Variants in ST3GAL1 observed in about 807,000 individuals in gnomAD.
ST3GAL1 encodes ST3 beta-galactoside alpha-2,3-sialyltransferase 1.
Under a neutral mutation model 34.1 loss-of-function variants are expected in ST3GAL1, and 16 were observed. The observed-to-expected ratio is 0.47, with a 90% CI of 0.32 to 0.71. ST3GAL1 has a LOEUF of 0.71. ST3GAL1 is among the 30% of genes least tolerant of loss of function. The probability of loss-of-function intolerance (pLI) is 0.04; values close to 1 mark genes in which losing one functional copy is unlikely to be tolerated. For missense variants in ST3GAL1, 353 were observed against 447.4 expected, an observed-to-expected ratio of 0.79 and a Z score of 1.90; for synonymous variants, 191 against 184.7, an observed-to-expected ratio of 1.03 and a Z score of -0.28.
At chr8:133,500,978 C>T (rs1817132060) in intron 2 of ST3GAL1, among the ~76,000 whole-genome samples, 1 of 152,202 alleles carries the variant, frequency 6.6e-6, no homozygotes, top group Non-Finnish European at 1.5e-5. Flanking sequence ...CTGGTGCTCT[C>T]CTTCCTAACA....
chr8:133,509,212 G>A (rs538949817), intron 2 of ST3GAL1, among the ~76,000 whole-genome samples: 1 of 152,350 alleles, frequency 6.6e-6, no homozygotes, highest in East Asian at 1.9e-4. Flanking sequence ...TTAAAGCACA[G>A]TTCCTCAGTG....
At chr8:133,521,155 A>T (rs1172417532) in intron 2 of ST3GAL1, among the ~76,000 whole-genome samples, 93 of 19,912 alleles carry the variant, frequency 4.7e-3, no homozygotes, top group African/African-American at 5.4e-3. Context: ...TTTTTTTTTG[A>T]GACAGTCTTG....
intron 5 of ST3GAL1, among the ~76,000 whole-genome samples, chr8:133,470,708 G>A (rs972810094): frequency 6.6e-6 from 1 of 152,186 alleles, no homozygotes; most frequent in Non-Finnish European, 1.5e-5. Flanking sequence ...GCAGGAGAAG[G>A]AAGGGGAGGT....
chr8:133,462,063 T>C (rs1027449707), intron 8 of ST3GAL1, 69 bp from the exon 9 acceptor site: 4 of 1,604,046 alleles, frequency 2.5e-6, no homozygotes, highest in Non-Finnish European at 3.4e-6. Flanking sequence ...GCCTGTCAGA[T>C]GTACATACTG....
At chr8:133,567,801 C>T (rs1434145220) in intron 1 of ST3GAL1, among the ~76,000 whole-genome samples, 1 of 152,140 alleles carries the variant, frequency 6.6e-6, no homozygotes, top group Non-Finnish European at 1.5e-5. Context: ...GTCTGTGATA[C>T]CGGGAGGGTT....
chr8:133,469,824 C>G lies in ST3GAL1; in HGVS notation c.307-3734G>C, dbSNP rs1361879957. On this transcript the variant is annotated intron_variant, in intron 5 of 9. Coordinates refer to ENST00000522652, the MANE Select transcript of ST3GAL1 (RefSeq NM_173344.3). The surrounding 1 kb of genome is among the most constrained non-coding windows in gnomAD (Gnocchi z 4.3). ...TCCGGGCTCTGTGATGCGACTTTCT[C>G]TAGTGCCCTGCCTCACCTAACATCA... 6.6e-6 allele frequency among the ~76,000 whole-genome samples: 1 copy of G among 152,234 alleles called. No homozygotes were observed. Among genetic ancestry groups the G allele is most frequent in the Non-Finnish European group, 1.5e-5 (1 of 68,044 alleles).
chr8:133,505,625 G>A (rs1273485504), intron 2 of ST3GAL1, among the ~76,000 whole-genome samples: 6 of 148,974 alleles, frequency 4.0e-5, no homozygotes, highest in Admixed American at 6.7e-5. Flanking sequence ...TTTTTGAGAC[G>A]AAGTTTCACT....
chr8:133,498,687 T>C (rs56208377), intron 3 of ST3GAL1, among the ~76,000 whole-genome samples: 5,991 of 152,274 alleles, frequency 0.039, 140 homozygotes, highest in Middle Eastern at 0.075. Context: ...CTGAGTGAGA[T>C]TGAGTCCTGC....
intron 3 of ST3GAL1, among the ~76,000 whole-genome samples, chr8:133,486,512 C>A (rs2130967005): frequency 6.6e-6 from 1 of 152,332 alleles, no homozygotes; most frequent in Admixed American, 6.5e-5. Context: ...GAAGGATCAG[C>A]CGTGAGGGGA....
chr8:133,511,127 A>G lies in ST3GAL1; in HGVS notation c.-428-11938T>C, dbSNP rs963676026. ...TTAAATCCTTGTGATACACTTGCAC[A>G]TTTTGGCAGTAAATACTCATCTTAG... is the stretch of plus-strand genomic sequence containing the variant. On this transcript the variant is annotated intron_variant, in intron 2 of 9. Coordinates refer to ENST00000522652, the MANE Select transcript of ST3GAL1 (RefSeq NM_173344.3). Among the ~76,000 whole-genome samples, 9 of 152,320 alleles carry G rather than the reference A, an allele frequency of 5.9e-5. No individual in the cohort carries two copies. The East Asian group carries it at 1.7e-3, about 29-fold the overall frequency.
chr8:133,540,107 C>T (rs1048310988), intron 2 of ST3GAL1, among the ~76,000 whole-genome samples: 2 of 152,126 alleles, frequency 1.3e-5, no homozygotes, highest in Non-Finnish European at 2.9e-5. Context: ...TTCACTCACG[C>T]CACTTGGATC....
chr8:133,481,030 T>C (rs1816361715), intron 3 of ST3GAL1, among the ~76,000 whole-genome samples: 1 of 152,236 alleles, frequency 6.6e-6, no homozygotes, highest in Admixed American at 6.5e-5. Flanking sequence ...ACAGCCGTCT[T>C]AAAGCCCACA....
rs756140569 is a variant in ST3GAL1 at position 133,463,450 on chromosome 8, G to C, written c.693C>G (p.Ile231Met). The C allele has an allele frequency of 1.9e-6, 3 of 1,613,962 alleles. No homozygotes were observed. Among genetic ancestry groups the C allele is most frequent in the East Asian group, 4.5e-5 (2 of 44,876 alleles). The stretch of plus-strand genomic sequence containing the variant: ...TCACTCTGATCTTTGCAGGAACCGG[G>C]ATGTAGGTGCTGCAGTTGGAGAAAG... ...ITTGTISHTY[I>M]PVPAKIRVKQ... Residue 231 changes from isoleucine (I) to methionine (M), a missense_variant, in exon 8 of 10, where the codon ATC (isoleucine) becomes ATG (methionine). Transcript: ENST00000522652.
intron 6 of ST3GAL1, 150 bp from the exon 7 acceptor site, chr8:133,465,107 A>G (rs1287683131): frequency 1.4e-6 from 1 of 709,892 alleles, no homozygotes; most frequent in Admixed American, 3.2e-5. Flanking sequence ...TAAAATAGAG[A>G]CAATGAAGAC....
At chr8:133,500,912 GTCA>G (rs1817129501) in intron 2 of ST3GAL1, among the ~76,000 whole-genome samples, 1 of 152,140 alleles carries the variant, frequency 6.6e-6, no homozygotes, top group Non-Finnish European at 1.5e-5. Context: ...CACTGAATTA[GTCA>G]TCATACAAAT....
chr8:133,522,651 G>A (rs1484533904), intron 2 of ST3GAL1, among the ~76,000 whole-genome samples: 1 of 152,180 alleles, frequency 6.6e-6, no homozygotes, highest in African/African-American at 2.4e-5. Context: ...GTCACCTGGT[G>A]GCCGCAGGGT....
At chr8:133,511,923 T>C (rs1817508876) in intron 2 of ST3GAL1, among the ~76,000 whole-genome samples, 1 of 152,058 alleles carries the variant, frequency 6.6e-6, no homozygotes, top group African/African-American at 2.4e-5. Context: ...CATGGTGGCA[T>C]GCACCTGTAG....
chr8:133,562,794 T>C lies in ST3GAL1; in HGVS notation c.-582+8899A>G, dbSNP rs13270307. Among the ~76,000 whole-genome samples, 271 of 108,546 alleles carry C rather than the reference T, an allele frequency of 2.5e-3. 3 individuals carry two copies. The highest frequency in any genetic ancestry group is 4.8e-3 in the African/African-American group (132 of 27,404). The allele number at this position is 108,546 out of a possible 152,430, so 71.2% of individuals were successfully genotyped here. ...AGAAAAGGGTTTCTTTCTTTCTTTC[T>C]TTCCTTCCTTCCTTCCTTCCTTCCT... On this transcript the variant is annotated intron_variant, in intron 1 of 9. Coordinates refer to ENST00000522652, the MANE Select transcript of ST3GAL1 (RefSeq NM_173344.3).
At chr8:133,525,870 T>C (rs1422330790) in intron 2 of ST3GAL1, among the ~76,000 whole-genome samples, 2 of 151,870 alleles carry the variant, frequency 1.3e-5, no homozygotes, top group Non-Finnish European at 2.9e-5. Context: ...CAAGCCTGCA[T>C]GACAGGGGGG....
Sources: gnomAD v4.1 joint callset for allele counts (sites outside exome capture counted in the v4.1 genomes callset) on GRCh38, gnomAD v4.1.1 for gene constraint, Gnocchi (gnomAD v3.1) non-coding constraint, MANE v1.5 for transcripts, NCBI Gene and HGNC (gene_info 2026-07-23, HGNC 2026-07-21) for gene names.